The following TEX19 variants were observed in gnomAD, a reference collection of about 807,000 sequenced individuals.
The protein encoded by TEX19 is testis expressed 19, also known as testis-expressed protein 19.
For synonymous variants in TEX19, 77 were observed against 73.9 expected (o/e 1.04, Z -0.21); for missense variants, 184 against 194.4 (o/e 0.95, Z 0.32).
chr17:82,363,609 C>G lies in TEX19; in HGVS notation c.*964C>G, dbSNP rs1221037710. On this transcript the variant is annotated 3_prime_UTR_variant, in exon 2 of 2. Coordinates refer to ENST00000333437, the MANE Select transcript of TEX19 (RefSeq NM_207459.4). ...GGATGTGTTCTCGACTTTGCCAGGA[C>G]AATCTCAGGGGTGCCACAAGACCCT... 6.0e-6 allele frequency: 1 copy of G among 167,170 alleles called. No homozygotes were observed. The highest frequency in any genetic ancestry group is 1.9e-4 in the East Asian group (1 of 5,190). 10.4% of individuals were successfully genotyped at this position (167,170 alleles called of 1,614,324 possible).
chr17:82,360,399 C>G (rs371079808), intron 1 of TEX19, among the ~76,000 whole-genome samples: 1 of 70,328 alleles, frequency 1.4e-5, no homozygotes, highest in Non-Finnish European at 2.7e-5. Context: ...TCAGGTTCCC[C>G]CAGTTTCCCT....
intron 1 of TEX19, among the ~76,000 whole-genome samples, chr17:82,360,025 TCAGGTTCCCCCAGTTTCCCC>T (rs2052369642): frequency 9.5e-6 from 1 of 105,286 alleles, no homozygotes. Context: ...TCAGGTTCCC[TCAGGTTCCCCCAGTTTCCCC>T]CAGGTTCCCC....
At chr17:82,361,154 GCCAGTTTCCCTCAGGTTCCC>G (rs2052388142) in intron 1 of TEX19, among the ~76,000 whole-genome samples, 1 of 63,900 alleles carries the variant, frequency 1.6e-5, no homozygotes, top group South Asian at 5.1e-4. Flanking sequence ...CTCAGGCTCT[GCCAGTTTCCCTCAGGTTCCC>G]CCAGTTTCCC....
chr17:82,359,556 CAA>C (rs1036127042), intron 1 of TEX19, among the ~76,000 whole-genome samples: 5 of 126,424 alleles, frequency 4.0e-5, no homozygotes, highest in African/African-American at 1.6e-4. Flanking sequence ...CAGTTTCCCT[CAA>C]GTTTCCCTCA....
chr17:82,362,651 G>T lies in TEX19; in HGVS notation c.*6G>T. 1.3e-6 allele frequency: 2 copies of T among 1,529,666 alleles called. No homozygotes were observed. Among genetic ancestry groups the T allele is most frequent in the Non-Finnish European group, 1.7e-6 (2 of 1,143,348 alleles). The allele number at this position is 1,529,666 out of a possible 1,614,324, so 94.8% of individuals were successfully genotyped here. ...CAAGCTTCTTTCCTTCATAGCAGGG[G>T]TTTCTCAAAGTGGACCTGCCCCCAG... On this transcript the variant is annotated 3_prime_UTR_variant, in exon 2 of 2. Coordinates refer to ENST00000333437, the MANE Select transcript of TEX19 (RefSeq NM_207459.4). This position sits in a 1 kb window ranked among gnomAD's most constrained non-coding sequence, Gnocchi z 5.5.
At position 82,362,862 on chromosome 17, in the gene TEX19, GGT is replaced by G; in HGVS notation, c.*219_*220del. ...GCACTGGAAATTGCTGCTGGAGCCTGGTGAAGTGTGGGTGGTGAGACTCCAAG... is the reference window on the plus strand; with the variant it reads ...GCACTGGAAATTGCTGCTGGAGCCTGGAAGTGTGGGTGGTGAGACTCCAAG... On this transcript the variant is annotated 3_prime_UTR_variant, in exon 2 of 2. Coordinates refer to ENST00000333437, the MANE Select transcript of TEX19 (RefSeq NM_207459.4). This position sits in a 1 kb window ranked among gnomAD's most constrained non-coding sequence, Gnocchi z 5.5. 1.8e-6 allele frequency: 1 copy of G among 549,688 alleles called. No homozygotes were observed. Among genetic ancestry groups the G allele is most frequent in the South Asian group, 3.8e-5 (1 of 26,578 alleles). 34.1% of individuals were successfully genotyped at this position (549,688 alleles called of 1,614,324 possible).
Position 82,362,178 on chromosome 17 carries a change from G to T in TEX19, c.28G>T (p.Glu10Ter). The T allele has an allele frequency of 6.2e-7, 1 of 1,612,354 alleles. No homozygotes were observed. Among genetic ancestry groups the T allele is most frequent in the Non-Finnish European group, 8.5e-7 (1 of 1,179,572 alleles). The change falls in exon 2 of 2, where the codon GAG becomes TAG. Residue 10 changes from glutamate (E) to a stop codon, truncating the protein, a stop_gained. Transcript: ENST00000333437. LOFTEE classifies it low-confidence loss of function (END_TRUNC). This position sits in a 1 kb window ranked among gnomAD's most constrained non-coding sequence, Gnocchi z 5.5. Reference protein sequence around the residue: MCPPVSMRYEEEGMSYLYAS... With the variant: MCPPVSMRY ...GTGCCCTCCGGTCAGCATGCGGTAT[G>T]AGGAAGAGGGCATGTCCTACCTCTA...
rs2052405057 is a variant in TEX19 at position 82,362,585 on chromosome 17, T to G, written c.435T>G (p.Leu145=). ...GLEDADWTQG[L]PWRFEELLTC... is the part of the protein sequence containing the mutation. ...AGGATGCTGACTGGACCCAGGGTCTTCCCTGGAGATTTGAGGAGCTTCTTA... is the reference window on the plus strand; with the variant it reads ...AGGATGCTGACTGGACCCAGGGTCTGCCCTGGAGATTTGAGGAGCTTCTTA... Residue 145 remains leucine, a synonymous_variant, in exon 2 of 2, where the codon CTT becomes CTG. Transcript: ENST00000333437. The surrounding 1 kb of genome is among the most constrained non-coding windows in gnomAD (Gnocchi z 5.5). 6.3e-7 allele frequency: 1 copy of G among 1,596,228 alleles called. No homozygotes were observed. The highest frequency in any genetic ancestry group is 2.2e-5 in the East Asian group (1 of 44,840).
rs1231207551 is a variant in TEX19, at chr17:82,362,240, G to A, written c.90G>A (p.Gln30=). The A allele has an allele frequency of 6.2e-7, 1 of 1,613,952 alleles. No homozygotes were observed. The highest frequency in any genetic ancestry group is 1.1e-5 in the South Asian group (1 of 91,090). The change falls in exon 2 of 2, where the codon CAG becomes CAA. Residue 30 remains glutamine (Q), a synonymous_variant. Transcript: ENST00000333437. This position sits in a 1 kb window ranked among gnomAD's most constrained non-coding sequence, Gnocchi z 5.5. ...TGTATCAGCTTCAACATGGAGATCA[G>A]CTAAGCATTTGCTTCACCTGCTTCA... The part of the protein sequence containing the change: ...SWMYQLQHGD[Q]LSICFTCFKA...
intron 1 of TEX19, among the ~76,000 whole-genome samples, chr17:82,360,006 C>A (rs2052369283): frequency 7.5e-6 from 1 of 133,832 alleles, no homozygotes; most frequent in Non-Finnish European, 1.6e-5. Context: ...CAGGTTCCCC[C>A]AGTTTCCCTC....
chr17:82,362,876 G>A lies in TEX19; in HGVS notation c.*231G>A. ...TGCTGGAGCCTGGTGAAGTGTGGGTGGTGAGACTCCAAGATGCACCCCAAG... is the reference window on the plus strand; with the variant it reads ...TGCTGGAGCCTGGTGAAGTGTGGGTAGTGAGACTCCAAGATGCACCCCAAG... On this transcript the variant is annotated 3_prime_UTR_variant, in exon 2 of 2. Coordinates refer to ENST00000333437, the MANE Select transcript of TEX19 (RefSeq NM_207459.4). The surrounding 1 kb of genome is among the most constrained non-coding windows in gnomAD (Gnocchi z 5.5). 1.9e-6 allele frequency: 1 copy of A among 519,616 alleles called. No homozygotes were observed. The highest frequency in any genetic ancestry group is 3.4e-6 in the Non-Finnish European group (1 of 294,606). The allele number at this position is 519,616 out of a possible 1,614,324, so 32.2% of individuals were successfully genotyped here.
chr17:82,360,542 AGTTTCCCCC>A (rs2143074399), intron 1 of TEX19, among the ~76,000 whole-genome samples: 1 of 73,410 alleles, frequency 1.4e-5, no homozygotes, highest in Non-Finnish European at 2.5e-5. Context: ...AGTTTCCCTC[AGTTTCCCCC>A]AGTTTCCCTC....
rs746814720 is a variant in TEX19 at position 82,362,307 on chromosome 17, G to A, written c.157G>A (p.Asp53Asn). 3 of 1,614,032 alleles carry A rather than the reference G, an allele frequency of 1.9e-6. No individual in the cohort carries two copies. The highest frequency in any genetic ancestry group is 4.5e-5 in the East Asian group (2 of 44,890). Residue 53 changes from aspartate to asparagine, a missense_variant, in exon 2 of 2, where the codon GAC (aspartate) becomes AAC (asparagine). By Grantham distance (23) the Asp-to-Asn change is conservative (BLOSUM62 1). Transcript: ENST00000333437. The surrounding 1 kb of genome is among the most constrained non-coding windows in gnomAD (Gnocchi z 5.5). ...CTTTAAAGACTTGCTGGAGTCAGAG[G>A]ACTGGGAAGAAGACAACTGGGACCC... is the stretch of plus-strand genomic sequence containing the variant. ...LDFKDLLESE[D>N]WEEDNWDPEL...
chr17:82,359,332 C>G (rs140929822), intron 1 of TEX19, 47 bp downstream of exon 1: 1 of 152,318 alleles, frequency 6.6e-6, no homozygotes, highest in East Asian at 1.9e-4. Flanking sequence ...CTCGGAGACA[C>G]GGCCTGGTGC....
At chr17:82,360,180 G>A (rs1476899144) in intron 1 of TEX19, among the ~76,000 whole-genome samples, 1 of 61,118 alleles carries the variant, frequency 1.6e-5, no homozygotes, top group Non-Finnish European at 3.2e-5. Context: ...GTTTCCCTCA[G>A]GTTCCCCCAG....
At position 82,362,755 on chromosome 17, in the gene TEX19, A is replaced by G; in HGVS notation, c.*110A>G. On this transcript the variant is annotated 3_prime_UTR_variant, in exon 2 of 2. Coordinates refer to ENST00000333437, the MANE Select transcript of TEX19 (RefSeq NM_207459.4). The surrounding 1 kb of genome is among the most constrained non-coding windows in gnomAD (Gnocchi z 5.5). The stretch of plus-strand genomic sequence containing the variant: ...GCTGAGGCCTAGTTACTGGCCCTGC[A>G]GCTTGTCTCCATGGTGGGCTGCTAT... The G allele has an allele frequency of 7.4e-7, 1 of 1,358,700 alleles. No individual in the cohort carries two copies. The highest frequency in any genetic ancestry group is 2.5e-5 in the East Asian group (1 of 40,780). 84.2% of individuals were successfully genotyped at this position (1,358,700 alleles called of 1,614,324 possible).
At chr17:82,360,197 C>CAGTTTCCCTCAAGTTTCCCT in intron 1 of TEX19, among the ~76,000 whole-genome samples, 1 of 36,200 alleles carries the variant, frequency 2.8e-5, no homozygotes, top group Non-Finnish European at 5.5e-5. Flanking sequence ...CCAGTTTCCC[C>CAGTTTCCCTCAAGTTTCCCT]CAGGTTCCCC....
chr17:82,361,951 TC>T lies in TEX19; in HGVS notation c.-196del. ...AGTTCAAGCTTCCACCCTCTGCAGG[TC>T]CCCACTGAGCTGGGACCCAGGTCAT... On this transcript the variant is annotated 5_prime_UTR_variant, in exon 2 of 2. Coordinates refer to ENST00000333437, the MANE Select transcript of TEX19 (RefSeq NM_207459.4). 1.3e-6 allele frequency: 1 copy of T among 777,172 alleles called. No individual in the cohort carries two copies. The highest frequency in any genetic ancestry group is 2.0e-6 in the Non-Finnish European group (1 of 508,408). 48.1% of individuals were successfully genotyped at this position (777,172 alleles called of 1,614,324 possible).
chr17:82,360,979 G>C (rs1335986048), intron 1 of TEX19, among the ~76,000 whole-genome samples: 5 of 34,536 alleles, frequency 1.4e-4, no homozygotes, highest in Non-Finnish European at 2.9e-4. Flanking sequence ...TTTCCCTCAG[G>C]TTCCCTCAGT....
Sources: gnomAD v4.1 joint callset for allele counts (sites outside exome capture counted in the v4.1 genomes callset) on GRCh38, gnomAD v4.1.1 for gene constraint, Gnocchi (gnomAD v3.1) non-coding constraint, MANE v1.5 for transcripts, NCBI Gene and HGNC (gene_info 2026-07-23, HGNC 2026-07-21) for gene names.